Variants in NASP observed in about 807,000 individuals in gnomAD.
NASP encodes NASP histone chaperone.
A neutral mutation model predicts 89.5 loss-of-function variants in NASP; 24 were observed. The observed-to-expected ratio is 0.27, with a 90% CI of 0.19 to 0.38. The LOEUF is 0.38. NASP is among the 10% of genes least tolerant of loss of function. NASP has a pLI of 1.00. For missense variants in NASP, 848 were observed against 921.4 expected (o/e 0.92, Z 1.03); for synonymous variants, 306 against 324.7 (o/e 0.94, Z 0.62).
In NASP at chr1:45,616,668, T is replaced by G; in HGVS notation, c.2122T>G (p.Cys708Gly). The change falls in exon 13 of 15, where the codon TGT (cysteine) becomes GGT (glycine). Residue 708 changes from cysteine to glycine, a missense_variant. By Grantham distance (159) the Cys-to-Gly change is radical. Transcript: ENST00000350030. ...AACAGACGGTGCTTCCTCATCAAAT[T>G]GTGTGACTGATATTTCCCACCTTGT... ...KPTDGASSSN[C>G]VTDISHLVRK... 6.2e-7 allele frequency: 1 copy of G among 1,614,150 alleles called. No individual in the cohort carries two copies.
chr1:45,608,444 G>T (rs1353020461), intron 6 of NASP, 107 bp downstream of exon 6: 1 of 1,219,486 alleles, frequency 8.2e-7, no homozygotes, highest in African/African-American at 1.5e-5. Flanking sequence ...GTCTGCCTTT[G>T]GATTAGGAAA....
rs775354945 is a variant in NASP, at chr1:45,607,931, T to A, written c.1020T>A (p.Pro340=). 1.2e-6 allele frequency: 2 copies of A among 1,614,030 alleles called. No individual in the cohort carries two copies. The highest frequency in any genetic ancestry group is 1.7e-6 in the Non-Finnish European group (2 of 1,180,038). Residue 340 remains proline, a synonymous_variant, in exon 6 of 15, where the codon CCT becomes CCA. Coordinates refer to ENST00000350030, the MANE Select transcript of NASP (RefSeq NM_002482.4). ...AACTGGTAGGTCAAGAAGTACCACC[T>A]GCTGAAGAGTCACCAGAGGTGACAA... The part of the protein sequence containing the change: ...LEQLVGQEVP[P]AEESPEVTTE...
intron 6 of NASP, chr1:45,611,062 C>T (rs1643999980): frequency 6.6e-6 from 1 of 152,122 alleles, no homozygotes; most frequent in Non-Finnish European, 1.5e-5. Context: ...CCAAGTGGGT[C>T]CGGGCTTAGT....
chr1:45,590,361 G>A (rs1406792674), intron 1 of NASP, among the ~76,000 whole-genome samples: 2 of 151,862 alleles, frequency 1.3e-5, no homozygotes, highest in African/African-American at 2.4e-5. Flanking sequence ...GGCTAACACG[G>A]TGAAACCCTG....
intron 1 of NASP, among the ~76,000 whole-genome samples, chr1:45,586,430 C>T (rs1644551937): frequency 1.3e-5 from 2 of 151,832 alleles, no homozygotes; most frequent in South Asian, 4.2e-4. Flanking sequence ...GGACTGCAGG[C>T]GCACACCACA....
chr1:45,604,437 C>T (rs1643885507), intron 3 of NASP, among the ~76,000 whole-genome samples: 1 of 152,160 alleles, frequency 6.6e-6, no homozygotes, highest in Admixed American at 6.6e-5. Context: ...TATTAACATT[C>T]CCATTTTACA....
chr1:45,614,492 C>T, intron 9 of NASP, 126 bp downstream of exon 9: 1 of 738,374 alleles, frequency 1.4e-6, no homozygotes, highest in Non-Finnish European at 2.3e-6. Flanking sequence ...GACCCTGGAA[C>T]AATGAACAGT....
chr1:45,616,724 T>G, intron 13 of NASP, 21 bp downstream of exon 13: 4 of 1,600,144 alleles, frequency 2.5e-6, no homozygotes, highest in Non-Finnish European at 3.4e-6. Context: ...ATGTGGTGTT[T>G]CTTTTCTACC....
chr1:45,608,434 G>A (rs1000253985), intron 6 of NASP, 97 bp downstream of exon 6: 34 of 1,313,554 alleles, frequency 2.6e-5, no homozygotes, highest in Admixed American at 1.0e-4. Context: ...AGGATTTTCC[G>A]TCTGCCTTTG....
chr1:45,603,662 T>C (rs1171100682), intron 3 of NASP, among the ~76,000 whole-genome samples: 1 of 143,134 alleles, frequency 7.0e-6, no homozygotes. Context: ...CTGGCTGGAG[T>C]GCGATGGCGC....
intron 4 of NASP, 120 bp from the exon 5 acceptor site, chr1:45,606,362 G>A (rs1412762016): frequency 3.1e-6 from 2 of 637,498 alleles, no homozygotes; most frequent in East Asian, 5.4e-5. Context: ...ACATAGTTTT[G>A]TATTGCCTGC....
intron 4 of NASP, chr1:45,605,647 A>T (rs1354040076): frequency 6.6e-6 from 1 of 152,164 alleles, no homozygotes; most frequent in Admixed American, 6.5e-5. Context: ...TTTTTAGTAG[A>T]GACAGGGTTT....
intron 3 of NASP, among the ~76,000 whole-genome samples, chr1:45,603,009 G>A (rs989736162): frequency 2.6e-5 from 4 of 152,144 alleles, no homozygotes; most frequent in Admixed American, 6.5e-5. Flanking sequence ...GATTGATAGT[G>A]CTATTATTAG....
At chr1:45,612,817 G>C (rs1644038763) in intron 6 of NASP, 2 of 173,098 alleles carry the variant, frequency 1.2e-5, no homozygotes, top group Non-Finnish European at 2.4e-5. Context: ...AACACTGACT[G>C]AGGTCTCCAC....
At chr1:45,591,334 T>C in intron 2 of NASP, 64 bp downstream of exon 2, 18 of 1,090,754 alleles carry the variant, frequency 1.7e-5, no homozygotes, top group Non-Finnish European at 2.4e-5. Context: ...AATATAACTT[T>C]AAAGTTATTT....
chr1:45,601,025 A>G (rs1383869050), intron 2 of NASP, among the ~76,000 whole-genome samples: 4 of 151,838 alleles, frequency 2.6e-5, no homozygotes, highest in Non-Finnish European at 5.9e-5. Flanking sequence ...TTTTTATTGG[A>G]TTGTTTTTTA....
chr1:45,586,286 T>TGTGTG (rs1644544005), intron 1 of NASP, among the ~76,000 whole-genome samples: 20 of 88,364 alleles, frequency 2.3e-4, no homozygotes, highest in Non-Finnish European at 2.8e-4. Flanking sequence ...GTGTGTGTGG[T>TGTGTG]GTGTGTGTGT....
intron 6 of NASP, chr1:45,610,123 CG>C (rs1273007798): frequency 1.3e-5 from 2 of 152,086 alleles, no homozygotes; most frequent in Non-Finnish European, 2.9e-5. Flanking sequence ...CGCTTGAACC[CG>C]GGAGGCAGAG....
intron 3 of NASP, 46 bp from the exon 4 acceptor site, chr1:45,604,890 T>C: frequency 1.4e-6 from 2 of 1,385,010 alleles, no homozygotes; most frequent in Non-Finnish European, 2.0e-6. Flanking sequence ...CTAAATGTTT[T>C]AGATTAGATG....
Sources: gnomAD v4.1 joint callset for allele counts (sites outside exome capture counted in the v4.1 genomes callset) on GRCh38, gnomAD v4.1.1 for gene constraint, MANE v1.5 for transcripts, NCBI Gene and HGNC (gene_info 2026-07-23, HGNC 2026-07-21) for gene names.